Variants in TDO2 observed in about 807,000 individuals in gnomAD.
TDO2 encodes tryptophan 2,3-dioxygenase.
TDO2 carries 63 observed loss-of-function variants against 61.2 expected under a neutral mutation model. The observed-to-expected ratio is 1.03, with a 90% CI of 0.84 to 1.27. The LOEUF (loss-of-function observed/expected upper bound fraction) is 1.27. TDO2 is among the 50% of genes most tolerant of loss of function. TDO2 has a pLI of 0.00. For synonymous variants in TDO2, 183 were observed against 164.0 expected (o/e 1.12, Z -0.89); for missense variants, 494 against 469.5 (o/e 1.05, Z -0.48).
intron 8 of TDO2, among the ~76,000 whole-genome samples, chr4:155,915,527 A>G (rs368100650): frequency 3.9e-5 from 6 of 152,322 alleles, no homozygotes; most frequent in African/African-American, 1.4e-4. Flanking sequence ...TTGAAATGAA[A>G]GACACATATT....
In TDO2 at chr4:155,918,226, C is replaced by T. The variant is rs373076944; in HGVS notation, c.1054C>T (p.Arg352Ter). 3.3e-5 allele frequency: 54 copies of T among 1,613,910 alleles called. No homozygotes were observed. Among genetic ancestry groups the T allele is most frequent in the African/African-American group, 4.0e-5 (3 of 74,926 alleles). The change falls in exon 11 of 12, where the codon CGA (arginine) becomes TGA (stop). Residue 352 changes from arginine (R) to a stop codon, truncating the protein, a stop_gained. Coordinates refer to ENST00000536354, the MANE Select transcript of TDO2 (RefSeq NM_005651.4). LOFTEE classifies it high-confidence loss of function. The stretch of plus-strand genomic sequence containing the variant: ...TGGTTCCTCAGGCTATCACTACCTG[C>T]GATCAACTGTGAGGTAGGTGGGGAA... The part of the protein sequence containing the change: ...TGGSSGYHYL[R>*]STVSDRYKVF...
chr4:155,913,607 C>T (rs1260866432), intron 7 of TDO2, among the ~76,000 whole-genome samples: 1 of 152,080 alleles, frequency 6.6e-6, no homozygotes, highest in Non-Finnish European at 1.5e-5. Context: ...TCACGACTCT[C>T]AATTTTTGCA....
chr4:155,907,442 A>C, intron 3 of TDO2: 2 of 327,720 alleles, frequency 6.1e-6, no homozygotes, highest in Non-Finnish European at 5.5e-6. Flanking sequence ...CTATATCCTC[A>C]AAGACCTAAA....
chr4:155,913,287 C>A (rs1020583242), intron 7 of TDO2, among the ~76,000 whole-genome samples: 6 of 152,034 alleles, frequency 3.9e-5, no homozygotes, highest in African/African-American at 1.4e-4. Flanking sequence ...GTCTATAAGG[C>A]CTTTATGATC....
chr4:155,917,365 ATTCTTCTTT>A (rs1742959707), intron 9 of TDO2, 21 bp from the exon 10 acceptor site: 1 of 1,570,164 alleles, frequency 6.4e-7, no homozygotes, highest in South Asian at 1.1e-5. Flanking sequence ...ACTTGAATAT[ATTCTTCTTT>A]TTCTTCTTTT....
At chr4:155,917,496 CA>C in intron 10 of TDO2, 22 bp downstream of exon 10, 1 of 1,583,538 alleles carries the variant, frequency 6.3e-7, no homozygotes, top group Non-Finnish European at 8.6e-7. Flanking sequence ...CCACTCACCC[CA>C]TGTTGCTTCC....
intron 5 of TDO2, 119 bp downstream of exon 5, chr4:155,909,133 C>T (rs1742772807): frequency 1.0e-6 from 1 of 981,088 alleles, no homozygotes; most frequent in African/African-American, 1.7e-5. Context: ...CATTTTGTCA[C>T]TATATGGACT....
In TDO2 at chr4:155,914,360, C is replaced by T. The variant is rs1742891992; in HGVS notation, c.764C>T (p.Ala255Val). Residue 255 changes from alanine to valine, a missense_variant, in exon 8 of 12, where the codon GCT becomes GTT. Transcript: ENST00000536354. ...TCTGAAGAAAAAGAGGAACAGGTGG[C>T]TGAATTTCAGAAGCAAAAAGAGGTG... ...EESEEKEEQV[A>V]EFQKQKEVLL... 1 of 1,608,468 alleles carries T rather than the reference C, an allele frequency of 6.2e-7. No individual in the cohort carries two copies.
chr4:155,905,036 T>A lies in TDO2; in HGVS notation c.142-31T>A, dbSNP rs377377016. The A allele has an allele frequency of 2.7e-5, 41 of 1,506,502 alleles. 1 individual carries two copies. In the African/African-American group the frequency reaches 5.7e-4, roughly 21 times the overall value. 93.3% of individuals were successfully genotyped at this position (1,506,502 alleles called of 1,614,324 possible). A position where few individuals can be genotyped will look rare whatever the true frequency, so the allele number is the denominator to read the frequency against. On this transcript the variant is annotated intron_variant, in intron 2 of 11. Coordinates refer to ENST00000536354, the MANE Select transcript of TDO2 (RefSeq NM_005651.4). ...GTTCATAAAAACCAAGTTCTGCAAT[T>A]TCAGACAGGCTTTTTATTTTTCATT...
chr4:155,920,138 C>A lies in TDO2; in HGVS notation c.*148C>A. ...TTTAATTCTAGAAACAATTTGATTA[C>A]CTCTTGTTTGTGACAAGACTAAGCA... is the stretch of plus-strand genomic sequence containing the variant. On this transcript the variant is annotated 3_prime_UTR_variant, in exon 12 of 12. Transcript: ENST00000536354. 1.4e-6 allele frequency: 1 copy of A among 708,740 alleles called. No homozygotes were observed. Among genetic ancestry groups the A allele is most frequent in the Non-Finnish European group, 2.3e-6 (1 of 432,578 alleles). 43.9% of individuals were successfully genotyped at this position (708,740 alleles called of 1,614,324 possible).
chr4:155,904,177 T>C, intron 2 of TDO2, 54 bp downstream of exon 2: 1 of 1,285,208 alleles, frequency 7.8e-7, no homozygotes, highest in Non-Finnish European at 1.1e-6. Flanking sequence ...CACTCAATTC[T>C]GCCAAGTGAC....
rs371686207 is a variant in TDO2, at chr4:155,917,470, G to C, written c.972G>C (p.Trp324Cys). The C allele has an allele frequency of 1.2e-6, 2 of 1,609,648 alleles. No homozygotes were observed. The highest frequency in any genetic ancestry group is 2.7e-5 in the African/African-American group (2 of 74,650). ...ACATAGATTCACTGATGACCAAATG[G>C]AGATGTAAGTCCTTCCCACTCACCC... The part of the protein sequence containing the change: ...LMDIDSLMTK[W>C]RYNHVCMVHR... The change falls in exon 10 of 12, where the codon TGG becomes TGC. Residue 324 changes from tryptophan (W) to cysteine (C), a missense_variant. By Grantham distance (215) the Trp-to-Cys change is radical (BLOSUM62 -2). Transcript: ENST00000536354.
chr4:155,911,455 A>G (rs1444524388), intron 6 of TDO2, 42 bp from the exon 7 acceptor site: 1 of 1,489,526 alleles, frequency 6.7e-7, no homozygotes, highest in African/African-American at 1.4e-5. Context: ...CATTTTACAT[A>G]ATTTTACCAT....
intron 10 of TDO2, 45 bp downstream of exon 10, chr4:155,917,519 TC>T: frequency 6.6e-7 from 1 of 1,503,862 alleles, no homozygotes; most frequent in African/African-American, 1.4e-5. Flanking sequence ...CACATGCTGT[TC>T]CTGTGCTCTT....
At chr4:155,912,988 A>G (rs191775565) in intron 7 of TDO2, among the ~76,000 whole-genome samples, 1 of 152,164 alleles carries the variant, frequency 6.6e-6, no homozygotes, top group Non-Finnish European at 1.5e-5. Context: ...TTGTTTCACC[A>G]CTTCTTCAAG....
At chr4:155,913,801 A>C (rs1742880786) in intron 7 of TDO2, among the ~76,000 whole-genome samples, 1 of 152,176 alleles carries the variant, frequency 6.6e-6, no homozygotes, top group Non-Finnish European at 1.5e-5. Context: ...TGTTGTAGGC[A>C]GAAAAATAAG....
chr4:155,904,273 C>T (rs909377997), intron 2 of TDO2, 150 bp downstream of exon 2: 12 of 621,496 alleles, frequency 1.9e-5, no homozygotes, highest in East Asian at 5.6e-5. Context: ...AACACTTTTA[C>T]GTTTTCAACT....
chr4:155,909,976 T>A (rs757454916), intron 5 of TDO2, 49 bp from the exon 6 acceptor site: 1 of 726,024 alleles, frequency 1.4e-6, no homozygotes, highest in South Asian at 3.0e-5. Flanking sequence ...TCTTCTCCTC[T>A]CCTCTCTTTC....
At chr4:155,913,326 G>A (rs1211957899) in intron 7 of TDO2, among the ~76,000 whole-genome samples, 1 of 152,068 alleles carries the variant, frequency 6.6e-6, no homozygotes, top group East Asian at 1.9e-4. Flanking sequence ...GCCATATTAA[G>A]TTTCTTTATT....
Sources: allele counts gnomAD v4.1 joint callset (sites outside exome capture counted in the v4.1 genomes callset), GRCh38; gene constraint gnomAD v4.1.1; transcripts MANE v1.5; gene names NCBI Gene and HGNC (gene_info 2026-07-23, HGNC 2026-07-21).